The following PRDM5 variants were observed in gnomAD, a reference collection of about 807,000 sequenced individuals.
PRDM5 encodes the protein PR domain zinc finger protein 5.
Under a neutral mutation model 81.2 loss-of-function variants are expected in PRDM5, and 56 were observed. The ratio of observed to expected loss-of-function variants is 0.69; its 90% CI spans 0.56 to 0.86. The LOEUF is 0.86. Ranked by LOEUF, PRDM5 falls within the 40% of genes least tolerant of loss-of-function variation. The probability of loss-of-function intolerance (pLI) is 0.00; values close to 1 mark genes in which losing one functional copy is unlikely to be tolerated. For synonymous variants in PRDM5, 267 were observed against 256.4 expected (o/e 1.04, Z -0.39); for missense variants, 697 against 770.1 (o/e 0.91, Z 1.12).
intron 15 of PRDM5, 151 bp from the exon 16 acceptor site, chr4:120,695,426 G>T: frequency 1.2e-6 from 1 of 837,812 alleles, no homozygotes; most frequent in Non-Finnish European, 1.9e-6. Context: ...CCTTTTCCCA[G>T]CTGCTGGATT....
intron 3 of PRDM5, among the ~76,000 whole-genome samples, chr4:120,839,731 A>G (rs1757775731): frequency 6.6e-6 from 1 of 152,108 alleles, no homozygotes; most frequent in Admixed American, 6.5e-5. Flanking sequence ...TTTGCCCAGG[A>G]GCCTATCTGC....
intron 15 of PRDM5, among the ~76,000 whole-genome samples, chr4:120,698,675 G>A (rs537410798): frequency 6.6e-6 from 1 of 152,238 alleles, no homozygotes; most frequent in Non-Finnish European, 1.5e-5. Context: ...CAGAATTCTT[G>A]TCTTTCAAAC....
At chr4:120,798,120 A>C (rs1417450361) in intron 10 of PRDM5, 147 bp downstream of exon 10, 1 of 516,616 alleles carries the variant, frequency 1.9e-6, no homozygotes, top group Non-Finnish European at 3.2e-6. Context: ...GGAGGCTGTG[A>C]GGGGTTATGG....
chr4:120,850,200 A>G (rs551440170), intron 3 of PRDM5, among the ~76,000 whole-genome samples: 2 of 152,192 alleles, frequency 1.3e-5, no homozygotes, highest in African/African-American at 2.4e-5. Flanking sequence ...AATGTTTCTC[A>G]TTTACTCCAC....
At chr4:120,721,488 C>T (rs548750399) in intron 14 of PRDM5, among the ~76,000 whole-genome samples, 1 of 152,096 alleles carries the variant, frequency 6.6e-6, no homozygotes, top group African/African-American at 2.4e-5. Flanking sequence ...ATAACAATGA[C>T]AAAAACAGCA....
intron 12 of PRDM5, among the ~76,000 whole-genome samples, chr4:120,778,365 A>C (rs1031577790): frequency 2.0e-5 from 3 of 152,096 alleles, no homozygotes; most frequent in African/African-American, 7.2e-5. Flanking sequence ...TTTTTAAATG[A>C]CATTTCTCAG....
chr4:120,714,076 T>C (rs185278411), intron 14 of PRDM5, among the ~76,000 whole-genome samples: 76 of 152,306 alleles, frequency 5.0e-4, no homozygotes, highest in African/African-American at 1.7e-3. Flanking sequence ...TTGGGGAGAA[T>C]GCAAATATTC....
chr4:120,879,993 G>A (rs751748698), intron 2 of PRDM5, among the ~76,000 whole-genome samples: 47 of 152,108 alleles, frequency 3.1e-4, no homozygotes, highest in Non-Finnish European at 5.4e-4. Context: ...ACAACGCAAA[G>A]AGTGAATTCT....
chr4:120,748,469 T>C (rs1171833345), intron 14 of PRDM5, among the ~76,000 whole-genome samples: 1 of 151,914 alleles, frequency 6.6e-6, no homozygotes, highest in South Asian at 2.1e-4. Flanking sequence ...GATAGCAAGA[T>C]CCTGTCTCCA....
intron 12 of PRDM5, among the ~76,000 whole-genome samples, chr4:120,780,608 AT>A (rs1281348767): frequency 1.3e-5 from 2 of 152,152 alleles, no homozygotes; most frequent in African/African-American, 4.8e-5. Flanking sequence ...ACACAAAAAA[AT>A]CTCCAAATCA....
At chr4:120,712,822 G>T (rs2149035526) in intron 14 of PRDM5, among the ~76,000 whole-genome samples, 1 of 152,278 alleles carries the variant, frequency 6.6e-6, no homozygotes, top group East Asian at 1.9e-4. Context: ...ACATTAAATA[G>T]CTGTATACCA....
chr4:120,751,526 G>A (rs971827179), intron 14 of PRDM5, among the ~76,000 whole-genome samples: 8 of 151,712 alleles, frequency 5.3e-5, no homozygotes, highest in African/African-American at 1.9e-4. Context: ...AGAATTTTCT[G>A]AAATTTAACT....
At chr4:120,750,429 T>A (rs972829152) in intron 14 of PRDM5, among the ~76,000 whole-genome samples, 1 of 152,056 alleles carries the variant, frequency 6.6e-6, no homozygotes, top group Non-Finnish European at 1.5e-5. Context: ...GTACACAGGA[T>A]CTGCCAAAAC....
chr4:120,725,676 G>A (rs1739290288), intron 14 of PRDM5, among the ~76,000 whole-genome samples: 1 of 151,842 alleles, frequency 6.6e-6, no homozygotes, highest in Non-Finnish European at 1.5e-5. Context: ...TCCATTTGGT[G>A]CAAACCAGAA....
chr4:120,887,442 T>G (rs1297347370), intron 2 of PRDM5, among the ~76,000 whole-genome samples: 2 of 152,152 alleles, frequency 1.3e-5, no homozygotes, highest in Non-Finnish European at 2.9e-5. Flanking sequence ...CTACCTGTTC[T>G]CCACGAGGCA....
chr4:120,810,465 C>G (rs937074836), intron 8 of PRDM5: 2 of 152,098 alleles, frequency 1.3e-5, no homozygotes, highest in African/African-American at 4.8e-5. Context: ...TAAAAGTAAT[C>G]TCAGTGCTCA....
intron 2 of PRDM5, among the ~76,000 whole-genome samples, chr4:120,906,005 T>C (rs1178150492): frequency 6.6e-6 from 1 of 152,156 alleles, no homozygotes; most frequent in Admixed American, 6.5e-5. Context: ...GGGGTCTCCT[T>C]CTGTTGCCTA....
At position 120,745,118 on chromosome 4, in the gene PRDM5, T is replaced by A. The variant is rs1302796914; in HGVS notation, c.1623+9435A>T. Reference sequence around the variant, plus strand: ...GGGCTTCATCCCTGGGATGCAAGGCTGGTTCAATATACGCAAATCAATAAA... The same window carrying A: ...GGGCTTCATCCCTGGGATGCAAGGCAGGTTCAATATACGCAAATCAATAAA... On this transcript the variant is annotated intron_variant, in intron 14 of 15. Coordinates refer to ENST00000264808, the MANE Select transcript of PRDM5 (RefSeq NM_018699.4). 2.2e-4 allele frequency among the ~76,000 whole-genome samples: 26 copies of A among 120,696 alleles called. No individual in the cohort carries two copies. In the East Asian group the frequency reaches 3.0e-3, roughly 14 times the overall value. 79.2% of individuals were successfully genotyped at this position (120,696 alleles called of 152,430 possible).
At chr4:120,781,395 G>T in intron 11 of PRDM5, 92 bp from the exon 12 acceptor site, 1 of 1,180,988 alleles carries the variant, frequency 8.5e-7, no homozygotes, top group Non-Finnish European at 1.2e-6. Flanking sequence ...TCTCCAAAAT[G>T]TTGGCTTTGT....
Sources: gnomAD v4.1 joint callset for allele counts (sites outside exome capture counted in the v4.1 genomes callset) on GRCh38, gnomAD v4.1.1 for gene constraint, MANE v1.5 for transcripts, NCBI Gene and HGNC (gene_info 2026-07-23, HGNC 2026-07-21) for gene names.